The following PIP4K2A variants were observed in gnomAD, a reference collection of about 807,000 sequenced individuals.
The protein encoded by PIP4K2A is phosphatidylinositol-5-phosphate 4-kinase type 2 alpha.
Under a neutral mutation model 42.9 loss-of-function variants are expected in PIP4K2A, and 14 were observed. The observed-to-expected ratio is 0.33, with a 90% confidence interval of 0.22 to 0.51. The LOEUF (loss-of-function observed/expected upper bound fraction) is 0.51, where lower values mean the gene tolerates loss of function less well. Among genes scored for constraint, PIP4K2A ranks in the 20% least tolerant of loss-of-function variants. The pLI is 0.97. For synonymous variants in PIP4K2A, 192 were observed against 192.2 expected, an observed-to-expected ratio of 1.00 and a Z score of 0.01; for missense variants, 434 against 519.8, an observed-to-expected ratio of 0.83 and a Z score of 1.61.
chr10:22,677,045 GTTATAC>G (rs1011637697), intron 1 of PIP4K2A, among the ~76,000 whole-genome samples: 61 of 152,238 alleles, frequency 4.0e-4, no homozygotes, highest in African/African-American at 1.4e-3. Flanking sequence ...TCTCTTTCCT[GTTATAC>G]TTAGGACATT....
intron 3 of PIP4K2A, among the ~76,000 whole-genome samples, chr10:22,604,923 C>T (rs1011021861): frequency 6.6e-6 from 1 of 152,326 alleles, no homozygotes; most frequent in East Asian, 1.9e-4. Context: ...GCCCGCCTGC[C>T]GCCTGAATCC....
At chr10:22,706,621 G>C (rs1284682687) in intron 1 of PIP4K2A, among the ~76,000 whole-genome samples, 1 of 152,166 alleles carries the variant, frequency 6.6e-6, no homozygotes, top group Non-Finnish European at 1.5e-5. Context: ...CACAATTTGA[G>C]AGCAAGGTCC....
At chr10:22,609,263 G>T (rs1837979396) in intron 2 of PIP4K2A, among the ~76,000 whole-genome samples, 1 of 152,184 alleles carries the variant, frequency 6.6e-6, no homozygotes, top group Non-Finnish European at 1.5e-5. Flanking sequence ...TTCTAAGATG[G>T]AGTCATTGCT....
intron 1 of PIP4K2A, among the ~76,000 whole-genome samples, chr10:22,633,091 C>A (rs936262524): frequency 2.0e-5 from 3 of 152,172 alleles, no homozygotes; most frequent in Non-Finnish European, 2.9e-5. Flanking sequence ...TATTACACAG[C>A]CCCCCTCTTT....
At chr10:22,624,429 G>C (rs183626795) in intron 1 of PIP4K2A, among the ~76,000 whole-genome samples, 1 of 152,230 alleles carries the variant, frequency 6.6e-6, no homozygotes, top group Admixed American at 6.5e-5. Flanking sequence ...CACAGCCTAT[G>C]AAGTTTGCTT....
chr10:22,551,820 T>G (rs1345385349), intron 6 of PIP4K2A, among the ~76,000 whole-genome samples: 2 of 152,202 alleles, frequency 1.3e-5, no homozygotes, highest in Non-Finnish European at 2.9e-5. Flanking sequence ...GCTCCGGCAC[T>G]GTTCCTCCTC....
chr10:22,556,000 G>A (rs765145814), intron 6 of PIP4K2A, among the ~76,000 whole-genome samples: 1 of 151,994 alleles, frequency 6.6e-6, no homozygotes, highest in Admixed American at 6.5e-5. Flanking sequence ...CATGCAGCCC[G>A]TGAGCGACAA....
intron 3 of PIP4K2A, among the ~76,000 whole-genome samples, chr10:22,598,582 A>C (rs533738128): frequency 3.3e-5 from 5 of 152,350 alleles, no homozygotes; most frequent in Admixed American, 6.5e-5. Context: ...TGGGCAAAGG[A>C]CATAGATGAC....
chr10:22,655,898 T>C (rs1022175579), intron 1 of PIP4K2A, among the ~76,000 whole-genome samples: 3 of 152,132 alleles, frequency 2.0e-5, no homozygotes, highest in African/African-American at 4.8e-5. Flanking sequence ...GTGTGTTGTG[T>C]AGTGTTGCAT....
chr10:22,637,682 G>C (rs975741187), intron 1 of PIP4K2A, among the ~76,000 whole-genome samples: 1 of 152,162 alleles, frequency 6.6e-6, no homozygotes, highest in African/African-American at 2.4e-5. Flanking sequence ...GCAGTGTAAA[G>C]TGCACCGGCC....
rs548506383 is a variant in PIP4K2A, at chr10:22,538,617, C to A, written c.1141-1336G>T. Reference sequence around the variant, plus strand: ...CTTTGCCACACTCCATGGTTTTCAACCAGAGGTGAGCATCAGAATGACCAT... The same window carrying A: ...CTTTGCCACACTCCATGGTTTTCAAACAGAGGTGAGCATCAGAATGACCAT... On this transcript the variant is annotated intron_variant, in intron 9 of 9. Transcript: ENST00000376573. Among the ~76,000 whole-genome samples the A allele has an allele frequency of 1.6e-3, 241 of 152,322 alleles. 1 individual carries two copies. Among genetic ancestry groups the A allele is most frequent in the African/African-American group, 5.5e-3 (229 of 41,580 alleles).
At chr10:22,547,437 C>T (rs922798834) in intron 7 of PIP4K2A, among the ~76,000 whole-genome samples, 4 of 152,146 alleles carry the variant, frequency 2.6e-5, no homozygotes, top group Non-Finnish European at 5.9e-5. Context: ...TCTCTGGGCT[C>T]GGCTTCCCCA....
chr10:22,588,407 G>C (rs188947598), intron 4 of PIP4K2A, among the ~76,000 whole-genome samples: 142 of 152,252 alleles, frequency 9.3e-4, no homozygotes, highest in African/African-American at 3.2e-3. Flanking sequence ...CAACCCTGTT[G>C]CATCTTAGTA....
At chr10:22,671,464 TC>T (rs1839449021) in intron 1 of PIP4K2A, among the ~76,000 whole-genome samples, 1 of 152,064 alleles carries the variant, frequency 6.6e-6, no homozygotes, top group South Asian at 2.1e-4. Context: ...AGAATCACAC[TC>T]CTAGGGTAGG....
intron 1 of PIP4K2A, among the ~76,000 whole-genome samples, chr10:22,622,399 G>C (rs1838350766): frequency 6.6e-6 from 1 of 152,172 alleles, no homozygotes; most frequent in African/African-American, 2.4e-5. Context: ...TTCGGGCACG[G>C]GAAGACCCAG....
chr10:22,620,893 C>T lies in PIP4K2A; in HGVS notation c.145-11176G>A, dbSNP rs548848455. On this transcript the variant is annotated intron_variant, in intron 1 of 9. Transcript: ENST00000376573. Reference sequence around the variant, plus strand: ...TTAATTCCTGGAAGACACACATAACCTCTTTAAGTGTTTCATTTATGTGGA... The same window carrying T: ...TTAATTCCTGGAAGACACACATAACTTCTTTAAGTGTTTCATTTATGTGGA... 3.1e-3 allele frequency among the ~76,000 whole-genome samples: 467 copies of T among 152,328 alleles called. 1 individual carries two copies. Among genetic ancestry groups the T allele is most frequent in the Non-Finnish European group, 5.2e-3 (355 of 68,022 alleles).
At chr10:22,701,767 G>A (rs148508506) in intron 1 of PIP4K2A, among the ~76,000 whole-genome samples, 196 of 152,338 alleles carry the variant, frequency 1.3e-3, no homozygotes, top group African/African-American at 4.4e-3. Context: ...TTGGAAGAGG[G>A]AGGAGAGAAG....
At chr10:22,700,675 G>A (rs778077937) in intron 1 of PIP4K2A, among the ~76,000 whole-genome samples, 1 of 152,162 alleles carries the variant, frequency 6.6e-6, no homozygotes, top group Non-Finnish European at 1.5e-5. Flanking sequence ...CTACCACCTG[G>A]AGCCTTTGTG....
At chr10:22,664,114 T>TACATATATATACAC in intron 1 of PIP4K2A, among the ~76,000 whole-genome samples, 1 of 70,186 alleles carries the variant, frequency 1.4e-5, no homozygotes, top group African/African-American at 1.2e-4. Flanking sequence ...CATATATATA[T>TACATATATATACAC]ACATATATAT....
Sources: gnomAD v4.1 joint callset for allele counts (sites outside exome capture counted in the v4.1 genomes callset) on GRCh38, gnomAD v4.1.1 for gene constraint, MANE v1.5 for transcripts, NCBI Gene and HGNC (gene_info 2026-07-23, HGNC 2026-07-21) for gene names.